Variants in CACHD1 observed in about 807,000 individuals in gnomAD.
The protein encoded by CACHD1 is VWFA and cache domain-containing protein 1.
A neutral mutation model predicts 138.7 loss-of-function variants in CACHD1; 71 were observed. The ratio of observed to expected loss-of-function variants is 0.51; its 90% CI spans 0.42 to 0.62. CACHD1 has a LOEUF of 0.62. Ranked by LOEUF, CACHD1 falls within the 20% of genes least tolerant of loss-of-function variation. The pLI, the probability that CACHD1 is intolerant of heterozygous loss-of-function variation, is 0.00. For missense variants in CACHD1, 1,389 were observed against 1,625.3 expected (o/e 0.85, Z 2.50); for synonymous variants, 578 against 591.5 (o/e 0.98, Z 0.33).
intron 25 of CACHD1, 89 bp from the exon 26 acceptor site, chr1:64,681,916 A>G: frequency 2.7e-6 from 3 of 1,094,288 alleles, no homozygotes; most frequent in East Asian, 2.4e-5. Flanking sequence ...TTCTCCCAGC[A>G]TGTAAATGAG....
rs761527618 is a variant in CACHD1 at position 64,653,770 on chromosome 1, T to C, written c.1553T>C (p.Met518Thr). 2.5e-6 allele frequency: 4 copies of C among 1,613,388 alleles called. No individual in the cohort carries two copies. Among genetic ancestry groups the C allele is most frequent in the Admixed American group, 1.7e-5 (1 of 59,994 alleles). The part of the protein sequence containing the change: ...FLIDDKGYTL[M>T]HPSLTRPYLL... ...TTTCTTATTGCAGGATATACACTTATGCACCCATCTCTTACCAGGCCATAT... is the reference window on the plus strand; with the variant it reads ...TTTCTTATTGCAGGATATACACTTACGCACCCATCTCTTACCAGGCCATAT... The change falls in exon 11 of 27, where the codon ATG becomes ACG. Residue 518 changes from methionine to threonine, a missense_variant. Physicochemically the swap from Met to Thr is moderately conservative, Grantham distance 81. This residue lies in a region of CACHD1 where 1,000 missense variants were observed against 1,114.7 expected (regional missense o/e 0.90). Transcript: ENST00000651257.
Position 64,675,411 on chromosome 1 carries a change from C to G in CACHD1, c.2738C>G (p.Thr913Arg), listed in dbSNP as rs182391558. ...TTGATTGTTCTGTAGGGGGATTTGA[C>G]GAACCTTGTGCATGGCAGCCACTGT... The part of the protein sequence containing the change: ...KFNTSLAGDL[T>R]NLVHGSHCSK... Residue 913 changes from threonine (T) to arginine (R), a missense_variant, in exon 20 of 27, where the codon ACG (threonine) becomes AGG (arginine). Coordinates refer to ENST00000651257, the MANE Select transcript of CACHD1 (RefSeq NM_020925.4). 1 of 1,593,100 alleles carries G rather than the reference C, an allele frequency of 6.3e-7. No individual in the cohort carries two copies. Among genetic ancestry groups the G allele is most frequent in the African/African-American group, 1.3e-5 (1 of 74,694 alleles).
At chr1:64,613,368 A>T (rs1647597326) in intron 4 of CACHD1, 1 of 89,300 alleles carries the variant, frequency 1.1e-5, no homozygotes, top group Non-Finnish European at 2.1e-5. Context: ...ATAAAAATAT[A>T]AAAAAATAAA....
At chr1:64,532,935 A>T (rs1266568489) in intron 1 of CACHD1, among the ~76,000 whole-genome samples, 2 of 152,168 alleles carry the variant, frequency 1.3e-5, no homozygotes, top group African/African-American at 4.8e-5. Flanking sequence ...GTAACAGCTC[A>T]GGAGGATTTG....
chr1:64,571,983 T>C (rs1003574395), intron 2 of CACHD1, among the ~76,000 whole-genome samples: 2 of 152,208 alleles, frequency 1.3e-5, no homozygotes, highest in Non-Finnish European at 1.5e-5. Context: ...TTAGTGTTTA[T>C]AAGTTATGCA....
intron 26 of CACHD1, among the ~76,000 whole-genome samples, chr1:64,690,565 G>T (rs146796511): frequency 6.6e-6 from 1 of 152,140 alleles, no homozygotes. Context: ...TAAATGGGGT[G>T]GGGGGCAGCT....
At chr1:64,589,846 G>A (rs1647083682) in intron 3 of CACHD1, among the ~76,000 whole-genome samples, 1 of 152,090 alleles carries the variant, frequency 6.6e-6, no homozygotes, top group Non-Finnish European at 1.5e-5. Flanking sequence ...TTGATATAAA[G>A]TTATCCCTCC....
intron 11 of CACHD1, among the ~76,000 whole-genome samples, chr1:64,654,385 A>G (rs1649196988): frequency 6.6e-6 from 1 of 152,180 alleles, no homozygotes; most frequent in African/African-American, 2.4e-5. Flanking sequence ...TAACCTGTAG[A>G]GGAATGGGTC....
chr1:64,498,082 G>A (rs1646315572), intron 1 of CACHD1, among the ~76,000 whole-genome samples: 1 of 152,162 alleles, frequency 6.6e-6, no homozygotes, highest in Non-Finnish European at 1.5e-5. Context: ...AGCTGAGATC[G>A]TGCCACTGTA....
At chr1:64,631,829 A>G (rs1024624210) in intron 5 of CACHD1, among the ~76,000 whole-genome samples, 1 of 152,106 alleles carries the variant, frequency 6.6e-6, no homozygotes, top group Non-Finnish European at 1.5e-5. Context: ...ACAGACTTGG[A>G]CAAATTTTGA....
chr1:64,502,233 C>T (rs1229170983), intron 1 of CACHD1, among the ~76,000 whole-genome samples: 1 of 152,166 alleles, frequency 6.6e-6, no homozygotes, highest in Non-Finnish European at 1.5e-5. Context: ...CTGTAATGTA[C>T]ACTTCATAGC....
intron 3 of CACHD1, among the ~76,000 whole-genome samples, chr1:64,597,228 C>A (rs954215707): frequency 1.3e-5 from 2 of 152,096 alleles, no homozygotes; most frequent in Admixed American, 6.5e-5. Flanking sequence ...ATGTAAGATT[C>A]AAAGCTTCTG....
intron 1 of CACHD1, among the ~76,000 whole-genome samples, chr1:64,486,415 C>T (rs4915978): frequency 6.6e-6 from 1 of 151,548 alleles, no homozygotes; most frequent in Non-Finnish European, 1.5e-5. Context: ...CACACACATA[C>T]ACACACACAC....
chr1:64,681,483 T>C (rs999926531), intron 25 of CACHD1, 148 bp downstream of exon 25: 1 of 564,856 alleles, frequency 1.8e-6, no homozygotes, highest in Non-Finnish European at 3.1e-6. Context: ...TTTCCATCCT[T>C]TTTTGTTAGG....
intron 2 of CACHD1, among the ~76,000 whole-genome samples, chr1:64,577,461 G>A (rs1022645717): frequency 6.6e-6 from 1 of 152,150 alleles, no homozygotes; most frequent in African/African-American, 2.4e-5. Context: ...TGGGGAGAGG[G>A]TTGATCTCCA....
chr1:64,601,689 A>G (rs1647216244), intron 3 of CACHD1, among the ~76,000 whole-genome samples: 1 of 152,246 alleles, frequency 6.6e-6, no homozygotes, highest in African/African-American at 2.4e-5. Flanking sequence ...GATGTGATCA[A>G]CAGATAATTA....
At chr1:64,555,571 C>A (rs1269125551) in intron 2 of CACHD1, among the ~76,000 whole-genome samples, 2 of 152,160 alleles carry the variant, frequency 1.3e-5, no homozygotes. Context: ...CAGGAGTCCA[C>A]CACCATGCCC....
Position 64,475,795 on chromosome 1 carries a change from G to T in CACHD1, c.198+4853G>T, listed in dbSNP as rs571197292. 2.0e-4 allele frequency among the ~76,000 whole-genome samples: 30 copies of T among 152,016 alleles called. 1 individual carries two copies. The highest frequency in any genetic ancestry group is 2.0e-3 in the Admixed American group (30 of 15,252). On this transcript the variant is annotated intron_variant, in intron 1 of 26. Coordinates refer to ENST00000651257, the MANE Select transcript of CACHD1 (RefSeq NM_020925.4). ...GATTTCCTGACCTCGTGATCCACCC[G>T]CCTCGGCCTCCCAAAGTGGGGTTAG...
At chr1:64,520,485 C>T (rs1272687123) in intron 1 of CACHD1, among the ~76,000 whole-genome samples, 1 of 152,130 alleles carries the variant, frequency 6.6e-6, no homozygotes, top group Non-Finnish European at 1.5e-5. Context: ...CCTGCCTACC[C>T]CTAGAGTGCA....
Sources: allele counts gnomAD v4.1 joint callset (sites outside exome capture counted in the v4.1 genomes callset), GRCh38; gene constraint gnomAD v4.1.1; regional missense constraint gnomAD v4.1.1; transcripts MANE v1.5; gene names NCBI Gene and HGNC (gene_info 2026-07-23, HGNC 2026-07-21).